DDX10: variants seen among roughly 807,000 people sequenced by gnomAD.
The protein encoded by DDX10 is probable ATP-dependent RNA helicase DDX10.
Under a neutral mutation model 104.3 loss-of-function variants are expected in DDX10, and 74 were observed. That is an observed-to-expected ratio of 0.71 (90% CI 0.59 to 0.86). The LOEUF (loss-of-function observed/expected upper bound fraction) is 0.86. Among genes scored for constraint, DDX10 ranks in the 40% least tolerant of loss-of-function variants. The pLI is 0.00. For synonymous variants in DDX10, 351 were observed against 353.4 expected, an observed-to-expected ratio of 0.99 and a Z score of 0.08; for missense variants, 952 against 1,040.0, an observed-to-expected ratio of 0.92 and a Z score of 1.16.
chr11:108,788,786 C>G (rs1269823056), intron 13 of DDX10, among the ~76,000 whole-genome samples: 1 of 152,220 alleles, frequency 6.6e-6, no homozygotes, highest in Non-Finnish European at 1.5e-5. Context: ...TAGGCTCTTA[C>G]TTAGCCACAC....
intron 1 of DDX10, among the ~76,000 whole-genome samples, 170 bp from the exon 2 acceptor site, chr11:108,673,297 G>A (rs986801711): frequency 2.0e-5 from 3 of 152,246 alleles, no homozygotes; most frequent in Middle Eastern, 3.4e-3. Context: ...TTCAGGGACA[G>A]CCTCTTCAGG....
chr11:108,738,867 G>T (rs750629975), intron 13 of DDX10, among the ~76,000 whole-genome samples: 4 of 152,032 alleles, frequency 2.6e-5, no homozygotes, highest in Non-Finnish European at 5.9e-5. Context: ...AGTTTGCATT[G>T]ACTCCCCTGC....
chr11:108,924,388 C>T (rs1175997555), intron 17 of DDX10, among the ~76,000 whole-genome samples: 1 of 152,180 alleles, frequency 6.6e-6, no homozygotes, highest in Non-Finnish European at 1.5e-5. Flanking sequence ...CTATTGTCCT[C>T]ATTTAGACCT....
chr11:108,737,775 T>C (rs999513456), intron 13 of DDX10, among the ~76,000 whole-genome samples: 1 of 151,730 alleles, frequency 6.6e-6, no homozygotes, highest in Non-Finnish European at 1.5e-5. Flanking sequence ...AGTGAATCAA[T>C]TTCTCAGTGA....
intron 10 of DDX10, among the ~76,000 whole-genome samples, chr11:108,715,148 T>C (rs2094289791): frequency 6.6e-6 from 1 of 151,694 alleles, no homozygotes; most frequent in Non-Finnish European, 1.5e-5. Flanking sequence ...AGGAAATCAC[T>C]ACAATCTTTG....
In DDX10 at chr11:108,687,586, T is replaced by C. The variant is rs572985492; in HGVS notation, c.849-1350T>C. Among the ~76,000 whole-genome samples the C allele has an allele frequency of 7.9e-5, 12 of 152,364 alleles. 1 individual carries two copies. In the South Asian group the frequency reaches 2.5e-3, roughly 32 times the overall value. Reference sequence around the variant, plus strand: ...TACATATCCTCTTTGGAGAGGTGTCTGTTAAGATTTTTGGCCTCCTTCCCC... The same window carrying C: ...TACATATCCTCTTTGGAGAGGTGTCCGTTAAGATTTTTGGCCTCCTTCCCC... On this transcript the variant is annotated intron_variant, in intron 6 of 17. Coordinates refer to ENST00000322536, the MANE Select transcript of DDX10 (RefSeq NM_004398.4).
chr11:108,892,241 T>C (rs1363788182), intron 16 of DDX10, among the ~76,000 whole-genome samples: 1 of 152,080 alleles, frequency 6.6e-6, no homozygotes, highest in African/African-American at 2.4e-5. Flanking sequence ...CTCTATTAGT[T>C]GTCAAGAGAG....
At chr11:108,871,518 C>A (rs940568959) in intron 16 of DDX10, among the ~76,000 whole-genome samples, 1 of 152,208 alleles carries the variant, frequency 6.6e-6, no homozygotes, top group Non-Finnish European at 1.5e-5. Context: ...AAAGAAATAT[C>A]TTTTCCTTCC....
At chr11:108,804,512 A>AG (rs1862070293) in intron 13 of DDX10, among the ~76,000 whole-genome samples, 1 of 151,554 alleles carries the variant, frequency 6.6e-6, no homozygotes, top group Non-Finnish European at 1.5e-5. Context: ...AAAAAAAAAA[A>AG]AAAAAACCCT....
At position 108,791,238 on chromosome 11, in the gene DDX10, C is replaced by G. The variant is rs1861866934; in HGVS notation, c.1966-47208C>G. On this transcript the variant is annotated intron_variant, in intron 13 of 17. Coordinates refer to ENST00000322536, the MANE Select transcript of DDX10 (RefSeq NM_004398.4). ...TTAGCCTGTAGCCTTTGCTAAGCTTCTAGCTGACAGCCAGCATCCGTGTAC... is the reference window on the plus strand; with the variant it reads ...TTAGCCTGTAGCCTTTGCTAAGCTTGTAGCTGACAGCCAGCATCCGTGTAC... Among the ~76,000 whole-genome samples, 4 of 152,352 alleles carry G rather than the reference C, an allele frequency of 2.6e-5. No homozygotes were observed. The East Asian group carries it at 7.7e-4, about 29-fold the overall frequency.
intron 17 of DDX10, among the ~76,000 whole-genome samples, chr11:108,925,343 A>C (rs975546341): frequency 6.6e-6 from 1 of 152,178 alleles, no homozygotes; most frequent in African/African-American, 2.4e-5. Context: ...TCTATCATTT[A>C]GTCAACCATT....
intron 17 of DDX10, among the ~76,000 whole-genome samples, chr11:108,929,191 C>T (rs758582560): frequency 1.2e-4 from 18 of 152,268 alleles, no homozygotes; most frequent in Non-Finnish European, 2.1e-4. Flanking sequence ...CCTCATAGAG[C>T]GTACGCTCCA....
At chr11:108,684,369 G>A (rs1163311799) in intron 6 of DDX10, among the ~76,000 whole-genome samples, 2 of 93,984 alleles carry the variant, frequency 2.1e-5, no homozygotes, top group African/African-American at 8.6e-5. Context: ...CCCCACCACA[G>A]TCCCCAGAGT....
chr11:108,845,014 G>C (rs925651267), intron 15 of DDX10, among the ~76,000 whole-genome samples: 1 of 152,006 alleles, frequency 6.6e-6, no homozygotes, highest in African/African-American at 2.4e-5. Flanking sequence ...GGCTAACACA[G>C]TGAAACCCCA....
At chr11:108,767,483 C>T (rs2094357700) in intron 13 of DDX10, 1 of 152,200 alleles carries the variant, frequency 6.6e-6, no homozygotes, top group South Asian at 2.1e-4. Flanking sequence ...CTACTGGCAG[C>T]ATTAGCACCT....
chr11:108,704,372 G>T (rs1441208100), intron 9 of DDX10, among the ~76,000 whole-genome samples: 1 of 152,180 alleles, frequency 6.6e-6, no homozygotes, highest in African/African-American at 2.4e-5. Context: ...TGTCCTTATG[G>T]TTCCAAACAG....
chr11:108,865,633 C>T (rs940520846), intron 16 of DDX10, among the ~76,000 whole-genome samples: 1 of 151,778 alleles, frequency 6.6e-6, no homozygotes, highest in Non-Finnish European at 1.5e-5. Context: ...TAGAGGATCT[C>T]GAATACCAAG....
chr11:108,686,219 G>A (rs527379643), intron 6 of DDX10, among the ~76,000 whole-genome samples: 1 of 152,252 alleles, frequency 6.6e-6, no homozygotes, highest in East Asian at 1.9e-4. Flanking sequence ...TGGTGCATTT[G>A]CTACAATGGA....
chr11:108,698,263 A>AT (rs2094262634), intron 9 of DDX10, among the ~76,000 whole-genome samples: 1 of 152,220 alleles, frequency 6.6e-6, no homozygotes, highest in South Asian at 2.1e-4. Context: ...TGAAATAATA[A>AT]AAGTAAAAAG....
Sources: allele counts gnomAD v4.1 joint callset (sites outside exome capture counted in the v4.1 genomes callset), GRCh38; gene constraint gnomAD v4.1.1; transcripts MANE v1.5; gene names NCBI Gene and HGNC (gene_info 2026-07-23, HGNC 2026-07-21).